Variants in GNAO1 observed in about 807,000 individuals in gnomAD.
GNAO1 encodes guanine nucleotide-binding protein G(o) subunit alpha.
For synonymous variants in GNAO1, 164 were observed against 180.7 expected, an observed-to-expected ratio of 0.91 and a Z score of 0.74; for missense variants, 166 against 478.7, an observed-to-expected ratio of 0.35 and a Z score of 6.10.
chr16:56,240,819 G>T (rs748638669), intron 2 of GNAO1, among the ~76,000 whole-genome samples: 2 of 152,142 alleles, frequency 1.3e-5, no homozygotes, highest in Non-Finnish European at 2.9e-5. Context: ...CAGTCACGAG[G>T]AGAAGGATGC....
chr16:56,203,598 G>A (rs1427742575), intron 2 of GNAO1, among the ~76,000 whole-genome samples: 1 of 152,156 alleles, frequency 6.6e-6, no homozygotes, highest in East Asian at 1.9e-4. Flanking sequence ...GAGAGAGGGA[G>A]CCAGAAAGAC....
chr16:56,286,120 G>T (rs1216889006), intron 3 of GNAO1, among the ~76,000 whole-genome samples: 6 of 152,148 alleles, frequency 3.9e-5, no homozygotes, highest in African/African-American at 1.4e-4. Flanking sequence ...AGTGTAGTGG[G>T]GGTCACAGTC....
chr16:56,350,858 C>T (rs372163227), intron 6 of GNAO1, among the ~76,000 whole-genome samples: 21 of 152,302 alleles, frequency 1.4e-4, no homozygotes, highest in Admixed American at 3.9e-4. Flanking sequence ...GGCCAAAGCC[C>T]AGCTCTCCGG....
intron 4 of GNAO1, among the ~76,000 whole-genome samples, chr16:56,331,800 A>G (rs933645415): frequency 3.3e-5 from 5 of 152,110 alleles, no homozygotes; most frequent in South Asian, 2.1e-4. Flanking sequence ...TCGCCAGCCC[A>G]GCCCTCCCTC....
chr16:56,297,881 G>T (rs549248964), intron 3 of GNAO1, among the ~76,000 whole-genome samples: 2 of 152,272 alleles, frequency 1.3e-5, no homozygotes, highest in South Asian at 2.1e-4. Flanking sequence ...TAAAAAAATA[G>T]TTATCGAGTG....
chr16:56,195,255 C>G (rs1190763), intron 2 of GNAO1, among the ~76,000 whole-genome samples: 12,445 of 152,158 alleles, frequency 0.082, 563 homozygotes, highest in African/African-American at 0.11. Context: ...TGGTTTGCCA[C>G]AAGGGACCCT....
chr16:56,203,868 T>A (rs1567436834), intron 2 of GNAO1, among the ~76,000 whole-genome samples: 1 of 151,952 alleles, frequency 6.6e-6, no homozygotes, highest in Non-Finnish European at 1.5e-5. Context: ...CTGGGGTTTG[T>A]GGGAATGTGA....
At chr16:56,307,594 A>G (rs1383936921) in intron 3 of GNAO1, 3 of 152,224 alleles carry the variant, frequency 2.0e-5, no homozygotes, top group African/African-American at 7.2e-5. Flanking sequence ...TGGCATGAAG[A>G]ACACCATTTA....
chr16:56,238,510 TTAA>T (rs2036662834), intron 2 of GNAO1, among the ~76,000 whole-genome samples: 2 of 152,210 alleles, frequency 1.3e-5, no homozygotes, highest in Admixed American at 1.3e-4. Flanking sequence ...TTTTTTCATG[TTAA>T]TAATGTCAAC....
At chr16:56,199,447 A>C in intron 2 of GNAO1, among the ~76,000 whole-genome samples, 1 of 152,210 alleles carries the variant, frequency 6.6e-6, no homozygotes, top group East Asian at 1.9e-4. Flanking sequence ...GGATGCTCAG[A>C]AGTGGAGACA....
intron 6 of GNAO1, chr16:56,347,675 C>G: frequency 1.0e-6 from 1 of 986,068 alleles, no homozygotes. Context: ...CACAAGACCA[C>G]CAGCAGAGAC....
At chr16:56,258,715 C>G (rs2036875994) in intron 2 of GNAO1, among the ~76,000 whole-genome samples, 1 of 152,240 alleles carries the variant, frequency 6.6e-6, no homozygotes, top group African/African-American at 2.4e-5. Flanking sequence ...AGCCTCTGGG[C>G]AGCCCCTGCC....
At chr16:56,286,651 CA>C (rs1194954436) in intron 3 of GNAO1, among the ~76,000 whole-genome samples, 1 of 151,858 alleles carries the variant, frequency 6.6e-6, no homozygotes, top group Non-Finnish European at 1.5e-5. Flanking sequence ...CCAAGTCCTG[CA>C]AGTCTCTCTC....
At chr16:56,272,420 A>G (rs2037027067) in intron 2 of GNAO1, among the ~76,000 whole-genome samples, 1 of 152,264 alleles carries the variant, frequency 6.6e-6, no homozygotes, top group African/African-American at 2.4e-5. Context: ...CAGAAACAGG[A>G]AGCCTATTTT....
intron 5 of GNAO1, 23 bp downstream of exon 5, chr16:56,334,880 G>A (rs372324760): frequency 5.3e-5 from 86 of 1,613,266 alleles, no homozygotes; most frequent in Non-Finnish European, 7.1e-5. Flanking sequence ...GAGGCCCCCA[G>A]GCCCTGGCGA....
chr16:56,194,840 T>C (rs1467406529), intron 2 of GNAO1, among the ~76,000 whole-genome samples: 1 of 152,232 alleles, frequency 6.6e-6, no homozygotes, highest in African/African-American at 2.4e-5. Flanking sequence ...CTCGCCTTTT[T>C]TTATTCAAAG....
intron 2 of GNAO1, among the ~76,000 whole-genome samples, chr16:56,223,898 G>A (rs2036512220): frequency 6.6e-6 from 1 of 152,230 alleles, no homozygotes; most frequent in Non-Finnish European, 1.5e-5. Flanking sequence ...CACAAAAGAT[G>A]TTCAGTAAAT....
intron 6 of GNAO1, chr16:56,348,003 C>T: frequency 1.0e-6 from 1 of 981,746 alleles, no homozygotes; most frequent in Non-Finnish European, 1.2e-6. Flanking sequence ...CCAGGCCCTC[C>T]TTAGAAAAGC....
intron 2 of GNAO1, among the ~76,000 whole-genome samples, chr16:56,204,198 A>G (rs571660731): frequency 6.6e-6 from 1 of 152,338 alleles, no homozygotes; most frequent in Admixed American, 6.5e-5. Context: ...CCATCAAGTT[A>G]GGAAACACAG....
Sources: allele counts gnomAD v4.1 joint callset (sites outside exome capture counted in the v4.1 genomes callset), GRCh38; gene constraint gnomAD v4.1.1; transcripts MANE v1.5; gene names NCBI Gene and HGNC (gene_info 2026-07-23, HGNC 2026-07-21).